The following FRMD4A variants were observed in gnomAD, a reference collection of about 807,000 sequenced individuals.
The protein encoded by FRMD4A is FERM domain-containing protein 4A.
Under a neutral mutation model 129.1 loss-of-function variants are expected in FRMD4A, and 29 were observed. The observed-to-expected ratio is 0.22, with a 90% CI of 0.17 to 0.31. The LOEUF (loss-of-function observed/expected upper bound fraction) is 0.31. Ranked by LOEUF, FRMD4A falls within the 10% of genes least tolerant of loss-of-function variation. The pLI, the probability that FRMD4A is intolerant of heterozygous loss-of-function variation, is 1.00. For synonymous variants in FRMD4A, 634 were observed against 571.6 expected, an observed-to-expected ratio of 1.11 and a Z score of -1.56; for missense variants, 1,272 against 1,375.8, an observed-to-expected ratio of 0.92 and a Z score of 1.19.
chr10:14,118,006 G>C (rs1838290745), intron 2 of FRMD4A, among the ~76,000 whole-genome samples: 1 of 152,184 alleles, frequency 6.6e-6, no homozygotes, highest in Non-Finnish European at 1.5e-5. Context: ...GGCTACGGAA[G>C]TGTGGCCCTG....
At chr10:13,700,276 C>T (rs2086674739) in intron 14 of FRMD4A, among the ~76,000 whole-genome samples, 1 of 47,768 alleles carries the variant, frequency 2.1e-5, no homozygotes, top group Non-Finnish European at 5.2e-5. Flanking sequence ...CTTATCACCT[C>T]CCCCTTGACC....
chr10:13,774,199 T>C (rs1328248160), intron 6 of FRMD4A, among the ~76,000 whole-genome samples: 1 of 152,192 alleles, frequency 6.6e-6, no homozygotes, highest in Non-Finnish European at 1.5e-5. Context: ...ATTTTAATTT[T>C]CTGCAACTTG....
At chr10:14,134,548 TG>T (rs201593936) in intron 2 of FRMD4A, among the ~76,000 whole-genome samples, 2,023 of 148,140 alleles carry the variant, frequency 0.014, 28 homozygotes, top group Middle Eastern at 0.021. Flanking sequence ...GAGGGATTGG[TG>T]AAAAAAATGG....
chr10:13,971,641 A>G (rs1407047557), intron 2 of FRMD4A: 1 of 1,283,346 alleles, frequency 7.8e-7, no homozygotes, highest in Non-Finnish European at 1.0e-6. Context: ...ACGAAAGAGG[A>G]GCTTCTGGTC....
intron 2 of FRMD4A, chr10:14,008,426 C>T (rs1358046186): frequency 7.9e-6 from 8 of 1,015,028 alleles, no homozygotes; most frequent in African/African-American, 1.7e-5. Context: ...TTCCATCTGT[C>T]CCTCTGCACA....
intron 2 of FRMD4A, among the ~76,000 whole-genome samples, chr10:13,997,850 C>T (rs2095628383): frequency 6.6e-6 from 1 of 152,054 alleles, no homozygotes; most frequent in Admixed American, 6.5e-5. Context: ...CTCCTGACCT[C>T]AAGTGATCTG....
At chr10:14,298,049 T>C (rs1028789147) in intron 2 of FRMD4A, among the ~76,000 whole-genome samples, 7 of 152,206 alleles carry the variant, frequency 4.6e-5, no homozygotes, top group Admixed American at 3.3e-4. Flanking sequence ...TTTTTGTAAA[T>C]AAAGTTTTAT....
chr10:14,156,298 G>A (rs1439662392), intron 2 of FRMD4A, among the ~76,000 whole-genome samples: 1 of 151,812 alleles, frequency 6.6e-6, no homozygotes, highest in African/African-American at 2.4e-5. Flanking sequence ...ACACACCCAC[G>A]ATGAATTAAT....
At position 13,693,938 on chromosome 10, in the gene FRMD4A, C is replaced by G; in HGVS notation, c.1077G>C (p.Gly359=). The part of the protein sequence containing the change: ...TSKLANMGSK[G]KIISGSSGSL... ...TGCCGCTGCTGCCGCTGATGATCTT[C>G]CCCTTGCTACCCATGTTGGCCAGCT... The change falls in exon 15 of 25, where the codon GGG becomes GGC. Residue 359 remains glycine, a synonymous_variant. Coordinates refer to ENST00000357447, the MANE Select transcript of FRMD4A (RefSeq NM_018027.5). 6.2e-7 allele frequency: 1 copy of G among 1,605,440 alleles called. No individual in the cohort carries two copies. Among genetic ancestry groups the G allele is most frequent in the Non-Finnish European group, 8.5e-7 (1 of 1,177,116 alleles).
At chr10:14,082,117 C>T (rs1161419911) in intron 2 of FRMD4A, among the ~76,000 whole-genome samples, 6 of 151,998 alleles carry the variant, frequency 3.9e-5, no homozygotes, top group Non-Finnish European at 8.8e-5. Flanking sequence ...CATGGTGGCA[C>T]GTGCCTGAAC....
chr10:13,839,066 GCTTACTACAGC>G (rs1365234615), intron 3 of FRMD4A, among the ~76,000 whole-genome samples: 1 of 141,192 alleles, frequency 7.1e-6, no homozygotes, highest in Non-Finnish European at 1.5e-5. Flanking sequence ...GTGGATCTTG[GCTTACTACAGC>G]CTTGAACTCT....
intron 2 of FRMD4A, among the ~76,000 whole-genome samples, chr10:14,232,064 T>C (rs947212926): frequency 2.6e-5 from 4 of 152,136 alleles, no homozygotes; most frequent in African/African-American, 4.8e-5. Context: ...TAGCTTTAGG[T>C]TTTACTTTTA....
chr10:13,970,984 C>G (rs2095514228), intron 2 of FRMD4A, among the ~76,000 whole-genome samples: 1 of 152,184 alleles, frequency 6.6e-6, no homozygotes, highest in Admixed American at 6.5e-5. Context: ...AAAGGAGGCT[C>G]AGTGTTGGTG....
chr10:13,830,017 AT>A (rs1187040793), intron 3 of FRMD4A, among the ~76,000 whole-genome samples: 1 of 152,172 alleles, frequency 6.6e-6, no homozygotes, highest in African/African-American at 2.4e-5. Context: ...TCACCTGGGG[AT>A]TTGACTGTGT....
intron 2 of FRMD4A, among the ~76,000 whole-genome samples, chr10:13,910,360 G>A (rs1454711987): frequency 1.3e-5 from 2 of 152,178 alleles, no homozygotes; most frequent in Non-Finnish European, 2.9e-5. Flanking sequence ...CTCAGAGAGG[G>A]GAGAGAACCC....
At chr10:13,927,234 C>T (rs879744895) in intron 2 of FRMD4A, among the ~76,000 whole-genome samples, 1 of 143,672 alleles carries the variant, frequency 7.0e-6, no homozygotes, top group Non-Finnish European at 1.5e-5. Context: ...GCCTGAGTGA[C>T]AAAGCAAGAC....
chr10:14,062,819 T>G (rs1236114205), intron 2 of FRMD4A, among the ~76,000 whole-genome samples: 1 of 152,164 alleles, frequency 6.6e-6, no homozygotes, highest in Non-Finnish European at 1.5e-5. Context: ...ATTCCAGCAC[T>G]TTGGGAGGTT....
At chr10:13,807,717 C>T (rs1224628967) in intron 4 of FRMD4A, among the ~76,000 whole-genome samples, 3 of 152,026 alleles carry the variant, frequency 2.0e-5, no homozygotes, top group Non-Finnish European at 4.4e-5. Context: ...ATCTAGATCC[C>T]ACAAAATGTC....
At chr10:13,870,050 G>T (rs1369457699) in intron 2 of FRMD4A, among the ~76,000 whole-genome samples, 2 of 152,180 alleles carry the variant, frequency 1.3e-5, no homozygotes, top group Non-Finnish European at 2.9e-5. Context: ...GAAGGGAATA[G>T]AGCCTAATCC....
Sources: allele counts gnomAD v4.1 joint callset (sites outside exome capture counted in the v4.1 genomes callset), GRCh38; gene constraint gnomAD v4.1.1; transcripts MANE v1.5; gene names NCBI Gene and HGNC (gene_info 2026-07-23, HGNC 2026-07-21).